CYYR1: variants seen among roughly 807,000 people sequenced by gnomAD.
CYYR1 encodes the protein cysteine and tyrosine-rich protein 1.
Under a neutral mutation model 15.2 loss-of-function variants are expected in CYYR1, and 14 were observed. The ratio of observed to expected loss-of-function variants is 0.92; its 90% CI spans 0.61 to 1.44. CYYR1 has a LOEUF of 1.44. Among genes scored for constraint, CYYR1 ranks in the 40% most tolerant of loss-of-function variants. CYYR1 has a pLI of 0.00. For synonymous variants in CYYR1, 80 were observed against 77.4 expected (o/e 1.03, Z -0.18); for missense variants, 228 against 209.5 (o/e 1.09, Z -0.54).
intron 2 of CYYR1, among the ~76,000 whole-genome samples, chr21:26,539,098 G>T (rs11701731): frequency 0.29 from 43,943 of 151,994 alleles, 7,205 homozygotes; most frequent in East Asian, 0.57. Flanking sequence ...TACTACGACG[G>T]TTTGTTGCCT....
At chr21:26,526,786 C>T (rs1399321830) in intron 2 of CYYR1, among the ~76,000 whole-genome samples, 1 of 152,130 alleles carries the variant, frequency 6.6e-6, no homozygotes, top group Non-Finnish European at 1.5e-5. Flanking sequence ...GCCTCTTTAC[C>T]TCTTTAACTT....
chr21:26,476,578 TATCTATC>T (rs202069763), intron 3 of CYYR1, among the ~76,000 whole-genome samples: 3,007 of 135,956 alleles, frequency 0.022, 87 homozygotes, highest in African/African-American at 0.083. Flanking sequence ...TTGTCTACCC[TATCTATC>T]ATCTATCTAT....
chr21:26,554,860 A>G (rs574082067), intron 2 of CYYR1, among the ~76,000 whole-genome samples: 30 of 152,126 alleles, frequency 2.0e-4, no homozygotes, highest in Non-Finnish European at 3.2e-4. Context: ...CAACCTTCCA[A>G]GTAGCTGGGA....
At chr21:26,513,340 A>T (rs763635311) in intron 2 of CYYR1, among the ~76,000 whole-genome samples, 3 of 152,168 alleles carry the variant, frequency 2.0e-5, no homozygotes, top group Non-Finnish European at 4.4e-5. Context: ...AATGCTGCAG[A>T]CATGGGCAGG....
intron 2 of CYYR1, among the ~76,000 whole-genome samples, chr21:26,533,087 C>T (rs538331279): frequency 3.3e-5 from 5 of 151,308 alleles, no homozygotes; most frequent in Admixed American, 1.3e-4. Context: ...ATACTCAACC[C>T]GGAATCTCAT....
rs560993548 is a variant in CYYR1 at position 26,556,601 on chromosome 21, G to C, written c.176+9665C>G. On this transcript the variant is annotated intron_variant, in intron 2 of 3. Transcript: ENST00000652641. ...CAGAAAACTTTCAATCATGGCAGAC[G>C]GTGAAGGGGAATCAGGCACGTCCTC... Among the ~76,000 whole-genome samples, 8 of 152,134 alleles carry C rather than the reference G, an allele frequency of 5.3e-5. No homozygotes were observed. In the South Asian group the frequency reaches 1.7e-3, roughly 32 times the overall value.
At chr21:26,530,782 G>C (rs1224727801) in intron 2 of CYYR1, among the ~76,000 whole-genome samples, 1 of 152,148 alleles carries the variant, frequency 6.6e-6, no homozygotes, top group Non-Finnish European at 1.5e-5. Flanking sequence ...TGCCTGCAAA[G>C]GACATGAACT....
At chr21:26,526,309 G>T (rs546478046) in intron 2 of CYYR1, among the ~76,000 whole-genome samples, 1 of 151,940 alleles carries the variant, frequency 6.6e-6, no homozygotes. Flanking sequence ...ATAGCTGGGC[G>T]TGGTGATGGG....
intron 2 of CYYR1, chr21:26,482,555 T>C (rs923172025): frequency 3.1e-6 from 3 of 976,894 alleles, no homozygotes; most frequent in Admixed American, 6.2e-5. Flanking sequence ...TGAACTGCAT[T>C]GTTTGTTGAA....
intron 2 of CYYR1, among the ~76,000 whole-genome samples, chr21:26,486,925 C>A (rs1253689852): frequency 1.3e-5 from 2 of 151,936 alleles, no homozygotes; most frequent in African/African-American, 4.8e-5. Context: ...TATTTATCTT[C>A]TTCTCGGATA....
chr21:26,535,981 G>T (rs1020514472), intron 2 of CYYR1, among the ~76,000 whole-genome samples: 14 of 152,198 alleles, frequency 9.2e-5, no homozygotes, highest in Admixed American at 2.6e-4. Context: ...AAGAAAAGAA[G>T]TTTAATTGAC....
chr21:26,502,071 A>G (rs934680547), intron 2 of CYYR1, among the ~76,000 whole-genome samples: 1 of 152,178 alleles, frequency 6.6e-6, no homozygotes, highest in Non-Finnish European at 1.5e-5. Context: ...TTACATCCTA[A>G]AATATTTCAT....
chr21:26,563,573 A>C (rs1301752312), intron 2 of CYYR1, among the ~76,000 whole-genome samples: 1 of 151,756 alleles, frequency 6.6e-6, no homozygotes, highest in Non-Finnish European at 1.5e-5. Context: ...CTCTGTCTCA[A>C]AAATAAATAA....
intron 2 of CYYR1, among the ~76,000 whole-genome samples, chr21:26,485,014 A>G (rs2065231903): frequency 6.6e-6 from 1 of 152,120 alleles, no homozygotes; most frequent in Non-Finnish European, 1.5e-5. Flanking sequence ...ATAAAAAGAA[A>G]CAATAAACAA....
At chr21:26,572,751 C>T in intron 1 of CYYR1, 117 bp downstream of exon 1, 7 of 1,279,718 alleles carry the variant, frequency 5.5e-6, no homozygotes, top group Non-Finnish European at 6.4e-6. Flanking sequence ...GCAGAAGCGT[C>T]TGCAAAGGTC....
chr21:26,568,911 T>G (rs746547241), intron 1 of CYYR1: 7 of 152,156 alleles, frequency 4.6e-5, no homozygotes, highest in Non-Finnish European at 8.8e-5. Context: ...AGAGGGCTAT[T>G]ATTGAAAAGT....
intron 2 of CYYR1, among the ~76,000 whole-genome samples, chr21:26,516,847 G>A (rs2065733161): frequency 6.6e-6 from 1 of 151,994 alleles, no homozygotes; most frequent in African/African-American, 2.4e-5. Flanking sequence ...CGGGCGCGGT[G>A]GCTCACGCCT....
At chr21:26,488,541 C>T (rs2065284002) in intron 2 of CYYR1, among the ~76,000 whole-genome samples, 1 of 152,156 alleles carries the variant, frequency 6.6e-6, no homozygotes, top group African/African-American at 2.4e-5. Context: ...GCATGAGCCA[C>T]CATGCCTGGC....
chr21:26,563,905 C>T (rs141764077), intron 2 of CYYR1, among the ~76,000 whole-genome samples: 1 of 152,242 alleles, frequency 6.6e-6, no homozygotes, highest in African/African-American at 2.4e-5. Context: ...CAAACAAAAA[C>T]ATAAACCAAA....
Sources: gnomAD v4.1 joint callset for allele counts (sites outside exome capture counted in the v4.1 genomes callset) on GRCh38, gnomAD v4.1.1 for gene constraint, MANE v1.5 for transcripts, NCBI Gene and HGNC (gene_info 2026-07-23, HGNC 2026-07-21) for gene names.